Variants in CFAP74 observed in about 807,000 individuals in gnomAD.
CFAP74 encodes the protein cilia- and flagella-associated protein 74.
CFAP74 carries 124 observed loss-of-function variants against 188.9 expected under a neutral mutation model. The observed-to-expected ratio is 0.66, with a 90% CI of 0.57 to 0.76. The LOEUF (loss-of-function observed/expected upper bound fraction) is 0.76. CFAP74 is among the 30% of genes least tolerant of loss of function. The pLI is 0.00. For synonymous variants in CFAP74, 956 were observed against 916.7 expected (o/e 1.04, Z -0.77); for missense variants, 2,198 against 2,165.2 (o/e 1.02, Z -0.30).
intron 1 of CFAP74, among the ~76,000 whole-genome samples, chr1:1,996,492 A>G (rs902699734): frequency 5.9e-5 from 9 of 152,222 alleles, no homozygotes; most frequent in Admixed American, 2.0e-4. Context: ...TCAATTCTGC[A>G]CTTCACGTTG....
chr1:1,965,882 A>G (rs1349568697), intron 12 of CFAP74, among the ~76,000 whole-genome samples: 3 of 152,248 alleles, frequency 2.0e-5, no homozygotes, highest in Admixed American at 1.3e-4. Context: ...GGACAGGGCC[A>G]CAGCCTGAGC....
rs1406524491 is a variant in CFAP74 at position 1,939,806 on chromosome 1, G to A, written c.2704-39C>T. The A allele has an allele frequency of 1.3e-5, 20 of 1,518,802 alleles. 1 individual carries two copies. Among genetic ancestry groups the A allele is most frequent in the South Asian group, 1.1e-4 (9 of 83,500 alleles). The allele number at this position is 1,518,802 out of a possible 1,614,324, so 94.1% of individuals were successfully genotyped here. Reference sequence around the variant, plus strand: ...GGCACAGGCGCCCTCGCAGCCACTCGGAGACTTACCAAGTGCTCCCCAAAC... The same window carrying A: ...GGCACAGGCGCCCTCGCAGCCACTCAGAGACTTACCAAGTGCTCCCCAAAC... On this transcript the variant is annotated intron_variant, in intron 23 of 38. Transcript: ENST00000682832.
intron 6 of CFAP74, among the ~76,000 whole-genome samples, chr1:1,979,369 T>C (rs1392929381): frequency 6.8e-6 from 1 of 146,294 alleles, no homozygotes; most frequent in Non-Finnish European, 1.5e-5. Context: ...CGTGTGGTAC[T>C]GAGCTGGGCG....
chr1:1,941,848 C>T (rs781207572), intron 22 of CFAP74, among the ~76,000 whole-genome samples, 180 bp downstream of exon 22: 8 of 152,220 alleles, frequency 5.3e-5, no homozygotes, highest in Non-Finnish European at 1.2e-4. Context: ...GCAACCAAAA[C>T]GGACCACAGA....
At chr1:1,974,351 A>G (rs16824603) in intron 6 of CFAP74, among the ~76,000 whole-genome samples, 153 bp from the exon 7 acceptor site, 33,275 of 152,010 alleles carry the variant, frequency 0.22, 3,765 homozygotes, top group Middle Eastern at 0.34. Flanking sequence ...GCTCTGAGTC[A>G]CCCAGACACT....
chr1:1,938,230 CATG>C (rs1653066412), intron 25 of CFAP74, among the ~76,000 whole-genome samples: 1 of 150,252 alleles, frequency 6.7e-6, no homozygotes, highest in Non-Finnish European at 1.5e-5. Flanking sequence ...CTCACAGTCA[CATG>C]CTCACACATA....
intron 1 of CFAP74, among the ~76,000 whole-genome samples, chr1:1,995,829 A>G (rs1324459928): frequency 1.3e-5 from 2 of 151,508 alleles, no homozygotes; most frequent in African/African-American, 4.8e-5. Context: ...AATGGCATGA[A>G]CCCGGGAGGC....
intron 14 of CFAP74, 104 bp from the exon 15 acceptor site, chr1:1,960,134 C>G: frequency 1.0e-6 from 1 of 967,046 alleles, no homozygotes; most frequent in Non-Finnish European, 1.6e-6. Flanking sequence ...GCCTCCTCCC[C>G]ATCCCGGGCC....
rs1019508076 is a variant in CFAP74, at chr1:1,971,225, G to C, written c.889-409C>G. Among the ~76,000 whole-genome samples the C allele has an allele frequency of 8.7e-4, 122 of 139,534 alleles. 1 individual carries two copies. Among genetic ancestry groups the C allele is most frequent in the African/African-American group, 3.0e-3 (111 of 36,476 alleles). 91.5% of individuals were successfully genotyped at this position (139,534 alleles called of 152,430 possible). ...CATGCACACCTGCACACATACGCGT[G>C]CACGCCTGCACACACATGCACACAC... On this transcript the variant is annotated intron_variant, in intron 9 of 38. Transcript: ENST00000682832.
intron 18 of CFAP74, chr1:1,954,953 G>C (rs1427411623): frequency 2.2e-5 from 26 of 1,197,408 alleles, no homozygotes; most frequent in Non-Finnish European, 1.2e-5. Flanking sequence ...GTGTGCACTG[G>C]CAGAAGGACG....
At chr1:1,961,598 C>A (rs1381836363) in intron 14 of CFAP74, among the ~76,000 whole-genome samples, 1 of 152,078 alleles carries the variant, frequency 6.6e-6, no homozygotes, top group African/African-American at 2.4e-5. Context: ...CACGCGCCCT[C>A]CAGAAACCAC....
At chr1:1,958,175 G>C (rs1404101385) in intron 16 of CFAP74, among the ~76,000 whole-genome samples, 1 of 152,214 alleles carries the variant, frequency 6.6e-6, no homozygotes, top group Non-Finnish European at 1.5e-5. Context: ...AGGTGGCTTG[G>C]GGCCAGCGTG....
At chr1:1,969,286 CCCAGG>C (rs1655738808) in intron 10 of CFAP74, among the ~76,000 whole-genome samples, 1 of 135,276 alleles carries the variant, frequency 7.4e-6, no homozygotes, top group Non-Finnish European at 1.6e-5. Context: ...CCCTGCCCAG[CCCAGG>C]CCTTCCCAGC....
chr1:1,971,388 C>T (rs191325751), intron 9 of CFAP74, among the ~76,000 whole-genome samples: 7 of 151,890 alleles, frequency 4.6e-5, no homozygotes, highest in East Asian at 2.0e-4. Flanking sequence ...CATGCACACA[C>T]GTGCACACAC....
At chr1:1,988,032 C>T in intron 4 of CFAP74, 3 of 461,106 alleles carry the variant, frequency 6.5e-6, no homozygotes, top group Admixed American at 2.4e-5. Context: ...CAGCCTTGAC[C>T]TCCTGGGCTC....
At chr1:1,927,402 T>A in intron 28 of CFAP74, 1 of 604,280 alleles carries the variant, frequency 1.7e-6, no homozygotes, top group Admixed American at 3.0e-5. Flanking sequence ...TGAGGCTGTG[T>A]GCAGGGGTGT....
rs1651580099 is a variant in CFAP74 at position 1,923,711 on chromosome 1, A to G, written c.4389+64T>C. 6.2e-7 allele frequency: 1 copy of G among 1,607,472 alleles called. No homozygotes were observed. On this transcript the variant is annotated intron_variant, in intron 35 of 38. Coordinates refer to ENST00000682832, the MANE Select transcript of CFAP74 (RefSeq NM_001304360.2). This position sits in a 1 kb window ranked among gnomAD's most constrained non-coding sequence, Gnocchi z 6.3. ...GCCTCCAAAGTGGAGCAGTGCAGCC[A>G]AAGGCAAGGCCCTGCGTGGGGCCAG...
At chr1:1,947,593 A>G (rs1334710973) in intron 18 of CFAP74, among the ~76,000 whole-genome samples, 2 of 152,184 alleles carry the variant, frequency 1.3e-5, no homozygotes, top group Non-Finnish European at 2.9e-5. Flanking sequence ...TGCAAGTCTG[A>G]GCAGGACTTT....
At position 1,921,989 on chromosome 1, in the gene CFAP74, T is replaced by C. The variant is rs1269274016; in HGVS notation, c.*298A>G. 4.9e-6 allele frequency: 2 copies of C among 411,936 alleles called. No individual in the cohort carries two copies. The highest frequency in any genetic ancestry group is 8.8e-6 in the Non-Finnish European group (2 of 227,930). 25.5% of individuals were successfully genotyped at this position (411,936 alleles called of 1,614,324 possible). On this transcript the variant is annotated 3_prime_UTR_variant, in exon 39 of 39. Transcript: ENST00000682832. The stretch of plus-strand genomic sequence containing the variant: ...CTACAAAAAATTTATTGACAGGCTG[T>C]GGAGGGCTCTCCTGGGGGCTGGGGG...
Sources: allele counts gnomAD v4.1 joint callset (sites outside exome capture counted in the v4.1 genomes callset), GRCh38; gene constraint gnomAD v4.1.1; non-coding constraint Gnocchi (gnomAD v3.1); transcripts MANE v1.5; gene names NCBI Gene and HGNC (gene_info 2026-07-23, HGNC 2026-07-21).